Variants in THOC7 observed in about 807,000 individuals in gnomAD.
The protein encoded by THOC7 is NIF3L1-binding protein 1.
A neutral mutation model predicts 33.1 loss-of-function variants in THOC7; 22 were observed. The observed-to-expected ratio is 0.66, with a 90% confidence interval of 0.47 to 0.95. THOC7 has a LOEUF of 0.95. THOC7 is among the 40% of genes least tolerant of loss of function. The pLI is 0.00. For synonymous variants in THOC7, 77 were observed against 76.8 expected (o/e 1.00, Z -0.01); for missense variants, 184 against 245.3 (o/e 0.75, Z 1.67).
chr3:63,851,030 C>T (rs952862520), intron 1 of THOC7, among the ~76,000 whole-genome samples: 2 of 152,202 alleles, frequency 1.3e-5, no homozygotes, highest in African/African-American at 2.4e-5. Context: ...GTAGACTCCT[C>T]ATCTAGTTAT....
chr3:63,839,253 GTTTCTGCCA>G lies in THOC7; in HGVS notation c.137+394_137+402del, dbSNP rs1396937801. Among the ~76,000 whole-genome samples the G allele has an allele frequency of 3.3e-5, 5 of 152,102 alleles. No individual in the cohort carries two copies. The East Asian group carries it at 7.7e-4, about 23-fold the overall frequency. The stretch of plus-strand genomic sequence containing the variant: ...TCAGGTTGGTACAAAAGTAATCGTG[GTTTCTGCCA>G]TTTCTGCCATTAAAGTTAATGGCAG... On this transcript the variant is annotated intron_variant, in intron 2 of 7. Transcript: ENST00000295899.
intron 2 of THOC7, among the ~76,000 whole-genome samples, chr3:63,839,389 C>T (rs1467426371): frequency 1.3e-5 from 2 of 152,140 alleles, no homozygotes; most frequent in Non-Finnish European, 2.9e-5. Context: ...TCTTACTAAA[C>T]ACTTATGTCC....
In THOC7 at chr3:63,839,723, C is replaced by G; in HGVS notation, c.70G>C (p.Asp24His). 6.2e-7 allele frequency: 1 copy of G among 1,613,178 alleles called. No individual in the cohort carries two copies. The highest frequency in any genetic ancestry group is 1.1e-5 in the South Asian group (1 of 91,032). ...LLIDGDGAGD[D>H]RRINLLVKSF... ...TTCACTAGCAGATTAATTCTCCGATCATCTCCAGCACCATCTCCATCAATG... is the reference window on the plus strand; with the variant it reads ...TTCACTAGCAGATTAATTCTCCGATGATCTCCAGCACCATCTCCATCAATG... Residue 24 changes from aspartate to histidine, a missense_variant, in exon 2 of 8, where the codon GAT (aspartate) becomes CAT (histidine). Transcript: ENST00000295899.
chr3:63,853,105 C>A (rs761908591), intron 1 of THOC7, among the ~76,000 whole-genome samples: 2 of 149,954 alleles, frequency 1.3e-5, no homozygotes, highest in East Asian at 3.9e-4. Context: ...GAGCCTAGAT[C>A]TCGCCACTGC....
chr3:63,861,554 T>C (rs1051755879), intron 1 of THOC7: 4 of 152,168 alleles, frequency 2.6e-5, no homozygotes, highest in South Asian at 2.1e-4. Context: ...GGACGCATAA[T>C]AGTGAAGAGC....
chr3:63,850,688 G>A (rs1702001398), intron 1 of THOC7, among the ~76,000 whole-genome samples: 1 of 148,000 alleles, frequency 6.8e-6, no homozygotes, highest in Non-Finnish European at 1.5e-5. Flanking sequence ...CTGGGTTCAA[G>A]CAATTCTCCT....
intron 1 of THOC7, among the ~76,000 whole-genome samples, chr3:63,847,350 C>T (rs1212513817): frequency 6.6e-6 from 1 of 152,178 alleles, no homozygotes; most frequent in Non-Finnish European, 1.5e-5. Context: ...ATGTTGTCCA[C>T]AGTTAATTGT....
At chr3:63,836,088 T>C (rs891483410) in intron 5 of THOC7, among the ~76,000 whole-genome samples, 11 of 152,068 alleles carry the variant, frequency 7.2e-5, no homozygotes, top group Non-Finnish European at 1.3e-4. Flanking sequence ...CATTGTGATA[T>C]TGATGCATAT....
intron 1 of THOC7, chr3:63,845,059 A>G (rs751167010): frequency 4.3e-6 from 3 of 696,612 alleles, no homozygotes; most frequent in Admixed American, 2.0e-5. Context: ...CTGACCTGAG[A>G]CTCCTTGAGG....
At chr3:63,860,546 A>G (rs1055965382) in intron 1 of THOC7, 2 of 152,182 alleles carry the variant, frequency 1.3e-5, no homozygotes, top group African/African-American at 4.8e-5. Flanking sequence ...TTTCCTGGGC[A>G]TCTAAGATTG....
rs1465312174 is a variant in THOC7 at position 63,863,345 on chromosome 3, T to A, written c.19+427A>T. Reference sequence around the variant, plus strand: ...CACAAACCTTCCAGGCCCCCAGCCCTAAGCCCGGCACCACTGTCCACCCTT... The same window carrying A: ...CACAAACCTTCCAGGCCCCCAGCCCAAAGCCCGGCACCACTGTCCACCCTT... On this transcript the variant is annotated intron_variant, in intron 1 of 7. Transcript: ENST00000295899. The A allele has an allele frequency of 6.9e-6, 5 of 727,262 alleles. No individual in the cohort carries two copies. The African/African-American group carries it at 9.5e-5, about 14-fold the overall frequency. The allele number at this position is 727,262 out of a possible 1,614,324, so 45.1% of individuals were successfully genotyped here. A position where few individuals can be genotyped will look rare whatever the true frequency, so the allele number is the denominator to read the frequency against.
Position 63,844,889 on chromosome 3 carries a change from G to T in THOC7, c.20-5116C>A, listed in dbSNP as rs80331968. The T allele has an allele frequency of 9.6e-3, 4,903 of 508,292 alleles. 39 individuals are homozygous for T. The highest frequency in any genetic ancestry group is 0.025 in the Middle Eastern group (60 of 2,378). The allele number at this position is 508,292 out of a possible 1,614,324, so 31.5% of individuals were successfully genotyped here. On this transcript the variant is annotated intron_variant, in intron 1 of 7. Coordinates refer to ENST00000295899, the MANE Select transcript of THOC7 (RefSeq NM_025075.4). ...ACAGCCTTGGAAAACAGAGTAAGAC[G>T]GAAAATTGTACTGGCAGTGTGGCTG...
At chr3:63,857,304 CTTAT>C (rs1016104660) in intron 1 of THOC7, among the ~76,000 whole-genome samples, 7 of 152,112 alleles carry the variant, frequency 4.6e-5, no homozygotes, top group African/African-American at 1.7e-4. Context: ...GGGTGGTAAA[CTTAT>C]TTATCATTCT....
At chr3:63,863,881 T>G, upstream of THOC7, 3 of 1,166,680 alleles carry the variant, frequency 2.6e-6, no homozygotes, top group Non-Finnish European at 3.1e-6. Context: ...TGCAGCCGGG[T>G]AAACAGCCAT....
chr3:63,851,874 T>C (rs1702025583), intron 1 of THOC7, among the ~76,000 whole-genome samples: 2 of 152,162 alleles, frequency 1.3e-5, no homozygotes, highest in African/African-American at 2.4e-5. Context: ...ATAAAGCCAA[T>C]TGAGATCTTT....
intron 2 of THOC7, among the ~76,000 whole-genome samples, chr3:63,838,916 C>T (rs938666068): frequency 2.0e-4 from 30 of 152,072 alleles, no homozygotes; most frequent in Admixed American, 1.0e-3. Context: ...TATAGTTAGG[C>T]GTGGTAGCTC....
At chr3:63,844,000 C>T (rs1701830783) in intron 1 of THOC7, among the ~76,000 whole-genome samples, 2 of 151,832 alleles carry the variant, frequency 1.3e-5, no homozygotes, top group Non-Finnish European at 2.9e-5. Flanking sequence ...CATACATAAA[C>T]AATGAAATAC....
In THOC7 at chr3:63,833,886, T is replaced by G. The variant is rs1701569631; in HGVS notation, c.*246A>C. ...ACAAACATATGCAGCTTAAAAGCAT[T>G]TTATTAAGCATTTTTGGATGTTGCT... On this transcript the variant is annotated 3_prime_UTR_variant, in exon 8 of 8. Coordinates refer to ENST00000295899, the MANE Select transcript of THOC7 (RefSeq NM_025075.4). 1 of 413,542 alleles carries G rather than the reference T, an allele frequency of 2.4e-6. No homozygotes were observed. Among genetic ancestry groups the G allele is most frequent in the Non-Finnish European group, 4.3e-6 (1 of 232,826 alleles). The allele number at this position is 413,542 out of a possible 1,614,324, so 25.6% of individuals were successfully genotyped here.
intron 1 of THOC7, among the ~76,000 whole-genome samples, chr3:63,842,418 C>T (rs1286633379): frequency 6.6e-6 from 1 of 152,068 alleles, no homozygotes; most frequent in East Asian, 1.9e-4. Flanking sequence ...CCTCAAAAAA[C>T]TGAAAATATG....
Sources: allele counts gnomAD v4.1 joint callset (sites outside exome capture counted in the v4.1 genomes callset), GRCh38; gene constraint gnomAD v4.1.1; transcripts MANE v1.5; gene names NCBI Gene and HGNC (gene_info 2026-07-23, HGNC 2026-07-21).